HMGB1: variants seen among roughly 807,000 people sequenced by gnomAD.
HMGB1 encodes high mobility group protein B1.
For synonymous variants in HMGB1, 81 were observed against 84.0 expected, an observed-to-expected ratio of 0.96 and a Z score of 0.19; for missense variants, 79 against 253.5, an observed-to-expected ratio of 0.31 and a Z score of 4.67.
chr13:30,517,981 C>A (rs1593286752), intron 1 of HMGB1, among the ~76,000 whole-genome samples: 1 of 152,154 alleles, frequency 6.6e-6, no homozygotes, highest in Non-Finnish European at 1.5e-5. Flanking sequence ...CCAGAGCTGG[C>A]CAAGTTGACT....
intron 1 of HMGB1, among the ~76,000 whole-genome samples, chr13:30,484,816 G>GGAAGA (rs777632111): frequency 7.9e-5 from 12 of 151,748 alleles, no homozygotes; most frequent in South Asian, 4.2e-4. Context: ...AAAAGAGAAG[G>GGAAGA]GAAGAGAAGA....
chr13:30,480,245 A>G (rs1436225327), intron 1 of HMGB1, among the ~76,000 whole-genome samples: 1 of 152,254 alleles, frequency 6.6e-6, no homozygotes. Flanking sequence ...TGACACCAAA[A>G]TATGTATTCG....
intron 1 of HMGB1, among the ~76,000 whole-genome samples, chr13:30,481,939 C>T (rs1887237760): frequency 6.6e-6 from 1 of 152,156 alleles, no homozygotes; most frequent in African/African-American, 2.4e-5. Flanking sequence ...AAGCGATTCT[C>T]CTGCCTCAGC....
intron 1 of HMGB1, among the ~76,000 whole-genome samples, chr13:30,548,524 G>A (rs1869273063): frequency 6.6e-6 from 1 of 152,182 alleles, no homozygotes; most frequent in East Asian, 1.9e-4. Flanking sequence ...TTAGCGAACA[G>A]TGTCTATTAC....
intron 1 of HMGB1, among the ~76,000 whole-genome samples, chr13:30,564,152 G>A (rs1289960580): frequency 6.6e-6 from 1 of 151,930 alleles, no homozygotes; most frequent in Non-Finnish European, 1.5e-5. Flanking sequence ...CTAACCATGA[G>A]CCACGTGCAG....
intron 1 of HMGB1, among the ~76,000 whole-genome samples, chr13:30,480,301 G>A (rs1251932989): frequency 6.6e-6 from 1 of 152,044 alleles, no homozygotes; most frequent in East Asian, 1.9e-4. Flanking sequence ...TTATATATTT[G>A]TTCATTTATT....
intron 1 of HMGB1, among the ~76,000 whole-genome samples, chr13:30,472,990 C>G (rs2137421793): frequency 6.6e-6 from 1 of 152,042 alleles, no homozygotes; most frequent in East Asian, 1.9e-4. Flanking sequence ...GCACGGACCT[C>G]TCATAGTCAC....
intron 1 of HMGB1, among the ~76,000 whole-genome samples, chr13:30,476,118 C>CTTTTT (rs71093065): frequency 9.1e-5 from 10 of 109,494 alleles, no homozygotes; most frequent in East Asian, 8.4e-4. Flanking sequence ...GTGGCATGTA[C>CTTTTT]TTTTTTTTTT....
upstream of HMGB1, among the ~76,000 whole-genome samples, chr13:30,467,700 T>A (rs958068591): frequency 6.6e-6 from 1 of 152,268 alleles, no homozygotes; most frequent in Non-Finnish European, 1.5e-5. Context: ...CTGTCTTATC[T>A]TCTCAATGTC....
intron 1 of HMGB1, among the ~76,000 whole-genome samples, chr13:30,603,214 T>G (rs1282436862): frequency 2.6e-5 from 4 of 152,212 alleles, no homozygotes; most frequent in Admixed American, 6.5e-5. Context: ...AATTTTGACA[T>G]GTAAACAGTC....
In HMGB1 at chr13:30,580,025, G is replaced by A. The variant is rs957302428; in HGVS notation, c.-15+36646C>T. Among the ~76,000 whole-genome samples, 5 of 152,286 alleles carry A rather than the reference G, an allele frequency of 3.3e-5. No individual in the cohort carries two copies. The South Asian group carries it at 8.3e-4, about 25-fold the overall frequency. On this transcript the variant is annotated intron_variant, in intron 1 of 4. Transcript: ENST00000405805. ...ATATACAATCTTACTTAAGACGAAA[G>A]AAATAGGACACCAGGCTAACTATCA...
At chr13:30,538,972 C>T (rs1868730413) in intron 1 of HMGB1, among the ~76,000 whole-genome samples, 1 of 152,150 alleles carries the variant, frequency 6.6e-6, no homozygotes, top group South Asian at 2.1e-4. Context: ...TCTCGGCTCA[C>T]TGCAACCTCC....
chr13:30,597,193 T>A, intron 1 of HMGB1, among the ~76,000 whole-genome samples: 1 of 150,884 alleles, frequency 6.6e-6, no homozygotes, highest in African/African-American at 2.5e-5. Context: ...GGTCATGGAG[T>A]GACCTAATCC....
At chr13:30,473,231 C>T (rs557479146) in intron 1 of HMGB1, among the ~76,000 whole-genome samples, 5 of 152,212 alleles carry the variant, frequency 3.3e-5, no homozygotes, top group African/African-American at 9.6e-5. Flanking sequence ...GCAGCTTCTC[C>T]GTGGGCAGCA....
exon 1 of HMGB1, chr13:30,617,375 C>G (rs1950577797): frequency 6.6e-6 from 1 of 152,072 alleles, no homozygotes; most frequent in Non-Finnish European, 1.5e-5. Flanking sequence ...TCAGCTCCAC[C>G]GAGGCTTTGG....
chr13:30,565,609 T>C (rs1870153370), intron 1 of HMGB1, among the ~76,000 whole-genome samples: 1 of 152,218 alleles, frequency 6.6e-6, no homozygotes, highest in African/African-American at 2.4e-5. Flanking sequence ...CCTGGAGATC[T>C]TGTTAAAATG....
rs148723564 is a variant in HMGB1, at chr13:30,578,062, C to G, written c.-15+38609G>C. On this transcript the variant is annotated intron_variant, in intron 1 of 4. Transcript: ENST00000405805. ...CATGGAGGTAAGCAGCAAGAGACTC[C>G]GTGCAGTTCCTGGTGGTTCCCTGAC... Among the ~76,000 whole-genome samples, 8 of 152,120 alleles carry G rather than the reference C, an allele frequency of 5.3e-5. No individual in the cohort carries two copies. The East Asian group carries it at 1.6e-3, about 29-fold the overall frequency.
At chr13:30,573,078 A>T (rs1404348643) in intron 1 of HMGB1, among the ~76,000 whole-genome samples, 1 of 152,230 alleles carries the variant, frequency 6.6e-6, no homozygotes, top group African/African-American at 2.4e-5. Context: ...GGAATCTAGA[A>T]GACACAACTC....
At position 30,474,289 on chromosome 13, in the gene HMGB1, C is replaced by T. The variant is rs144979290; in HGVS notation, c.-14-10595G>A. 5.7e-3 allele frequency among the ~76,000 whole-genome samples: 873 copies of T among 152,312 alleles called. 7 individuals are homozygous for T. Among genetic ancestry groups the T allele is most frequent in the African/African-American group, 0.02 (838 of 41,568 alleles). On this transcript the variant is annotated intron_variant, in intron 1 of 4. Coordinates refer to the HMGB1 transcript ENST00000405805. The stretch of plus-strand genomic sequence containing the variant: ...AGACAGGAACAATGGAACACTCCCT[C>T]GCCAACTTTGCCTATTTCTTTCCTG...
Sources: gnomAD v4.1 joint callset for allele counts (sites outside exome capture counted in the v4.1 genomes callset) on GRCh38, gnomAD v4.1.1 for gene constraint, MANE v1.5 for transcripts, NCBI Gene and HGNC (gene_info 2026-07-23, HGNC 2026-07-21) for gene names.